GABRB2: variants seen among roughly 807,000 people sequenced by gnomAD.
The protein encoded by GABRB2 is gamma-aminobutyric acid receptor subunit beta-2.
GABRB2 carries 16 observed loss-of-function variants against 54.7 expected under a neutral mutation model. The observed-to-expected ratio is 0.29, with a 90% CI of 0.20 to 0.44. GABRB2 has a LOEUF of 0.44. GABRB2 is among the 20% of genes least tolerant of loss of function. The pLI is 1.00. For missense variants in GABRB2, 355 were observed against 644.0 expected (o/e 0.55, Z 4.86); for synonymous variants, 244 against 233.8 (o/e 1.04, Z -0.40).
chr5:161,443,891 G>A (rs1192691568), intron 4 of GABRB2, among the ~76,000 whole-genome samples: 1 of 152,124 alleles, frequency 6.6e-6, no homozygotes, highest in Non-Finnish European at 1.5e-5. Context: ...TCATCTTAGT[G>A]TATCAGTAAG....
At chr5:161,381,857 A>G (rs183218262) in intron 5 of GABRB2, among the ~76,000 whole-genome samples, 9 of 152,314 alleles carry the variant, frequency 5.9e-5, no homozygotes, top group Admixed American at 5.9e-4. Flanking sequence ...CTAAATAATG[A>G]TAGATATTTC....
chr5:161,368,680 G>A (rs1234494050), intron 5 of GABRB2, among the ~76,000 whole-genome samples: 1 of 152,158 alleles, frequency 6.6e-6, no homozygotes, highest in Non-Finnish European at 1.5e-5. Flanking sequence ...GAGGCAATTC[G>A]TTTTTCAGTG....
At chr5:161,477,284 C>CA (rs70990786) in intron 3 of GABRB2, among the ~76,000 whole-genome samples, 3 of 127,848 alleles carry the variant, frequency 2.3e-5, no homozygotes, top group African/African-American at 8.6e-5. Flanking sequence ...CAAACAAAAG[C>CA]AAAAAAAAAA....
At chr5:161,528,747 G>T (rs994186428) in intron 3 of GABRB2, among the ~76,000 whole-genome samples, 14 of 151,730 alleles carry the variant, frequency 9.2e-5, no homozygotes, top group Non-Finnish European at 1.9e-4. Context: ...CATCTAAAAT[G>T]ATTTTGTTAT....
chr5:161,460,433 G>T (rs957229107), intron 3 of GABRB2, among the ~76,000 whole-genome samples: 2 of 152,158 alleles, frequency 1.3e-5, no homozygotes, highest in Non-Finnish European at 2.9e-5. Flanking sequence ...GAAGTGAAGA[G>T]AATATATTCA....
At chr5:161,478,551 G>C (rs1758662411) in intron 3 of GABRB2, among the ~76,000 whole-genome samples, 1 of 151,956 alleles carries the variant, frequency 6.6e-6, no homozygotes, top group African/African-American at 2.4e-5. Context: ...TGTGTTTTCT[G>C]ACCTTCATGG....
chr5:161,310,761 A>T (rs1229943573), intron 9 of GABRB2, among the ~76,000 whole-genome samples: 5 of 143,262 alleles, frequency 3.5e-5, no homozygotes, highest in Non-Finnish European at 7.5e-5. Context: ...GTTATGCTAC[A>T]GCATTTTTTT....
At chr5:161,517,875 C>A (rs1759995566) in intron 3 of GABRB2, among the ~76,000 whole-genome samples, 1 of 151,914 alleles carries the variant, frequency 6.6e-6, no homozygotes, top group Non-Finnish European at 1.5e-5. Flanking sequence ...CAGCTCACTG[C>A]AAGCTCTGCC....
intron 5 of GABRB2, among the ~76,000 whole-genome samples, chr5:161,340,359 T>C (rs1754122278): frequency 6.6e-6 from 1 of 152,052 alleles, no homozygotes; most frequent in Non-Finnish European, 1.5e-5. Flanking sequence ...GACTTTGGGC[T>C]GGTGTTGGTT....
intron 4 of GABRB2, among the ~76,000 whole-genome samples, chr5:161,416,079 C>T (rs1324214845): frequency 6.6e-6 from 1 of 152,178 alleles, no homozygotes. Flanking sequence ...GCTGGAACTA[C>T]AGGTGTGTAC....
chr5:161,309,504 T>A (rs2113360810), intron 9 of GABRB2, among the ~76,000 whole-genome samples: 1 of 152,314 alleles, frequency 6.6e-6, no homozygotes, highest in South Asian at 2.1e-4. Context: ...ATCCTATTAC[T>A]GGGTATATAC....
intron 5 of GABRB2, among the ~76,000 whole-genome samples, chr5:161,370,109 C>T (rs1488437076): frequency 6.6e-6 from 1 of 152,106 alleles, no homozygotes; most frequent in African/African-American, 2.4e-5. Context: ...AGAAGAAAAA[C>T]ACAAGGTAAG....
rs147825656 is a variant in GABRB2, at chr5:161,355,744, T to C, written c.542-18975A>G. 7.5e-3 allele frequency among the ~76,000 whole-genome samples: 1,143 copies of C among 152,158 alleles called. 15 individuals carry two copies. Among genetic ancestry groups the C allele is most frequent in the African/African-American group, 0.025 (1,036 of 41,540 alleles). On this transcript the variant is annotated intron_variant, in intron 5 of 9. Transcript: ENST00000393959. ...GATCTGACTCAAACCATGTCAAACA[T>C]ATATACACAGATAGAAAGTTATTCT... is the stretch of plus-strand genomic sequence containing the variant.
chr5:161,356,221 T>C (rs1039641912), intron 5 of GABRB2, among the ~76,000 whole-genome samples: 1 of 152,174 alleles, frequency 6.6e-6, no homozygotes, highest in Non-Finnish European at 1.5e-5. Flanking sequence ...AATTAGACAA[T>C]GTGTTTTAAG....
At chr5:161,438,820 G>A (rs1488640096) in intron 4 of GABRB2, among the ~76,000 whole-genome samples, 2 of 151,968 alleles carry the variant, frequency 1.3e-5, no homozygotes, top group African/African-American at 2.4e-5. Context: ...AAATTAGTGA[G>A]CTTGAAAACA....
At chr5:161,417,044 G>C (rs1756699556) in intron 4 of GABRB2, among the ~76,000 whole-genome samples, 1 of 152,102 alleles carries the variant, frequency 6.6e-6, no homozygotes. Flanking sequence ...AAATTCTACA[G>C]AGCTCACCTG....
chr5:161,361,062 G>C (rs2113451829), intron 5 of GABRB2, among the ~76,000 whole-genome samples: 1 of 151,746 alleles, frequency 6.6e-6, no homozygotes, highest in East Asian at 1.9e-4. Context: ...AATACCATCA[G>C]CATTCTTTCA....
chr5:161,515,475 A>G (rs1210237183), intron 3 of GABRB2, among the ~76,000 whole-genome samples: 1 of 151,834 alleles, frequency 6.6e-6, no homozygotes, highest in African/African-American at 2.4e-5. Context: ...TTCTGTTTTT[A>G]TTTTTCCTAA....
intron 3 of GABRB2, among the ~76,000 whole-genome samples, chr5:161,491,903 C>T (rs1759100331): frequency 6.6e-6 from 1 of 151,656 alleles, no homozygotes; most frequent in African/African-American, 2.4e-5. Context: ...GAGGCAGTGA[C>T]ATATCTGTCA....
Sources: allele counts gnomAD v4.1 joint callset (sites outside exome capture counted in the v4.1 genomes callset), GRCh38; gene constraint gnomAD v4.1.1; transcripts MANE v1.5; gene names NCBI Gene and HGNC (gene_info 2026-07-23, HGNC 2026-07-21).